The following SEC23B variants were observed in gnomAD, a reference collection of about 807,000 sequenced individuals.
The protein encoded by SEC23B is SEC23 homolog B, COPII component.
A neutral mutation model predicts 104.3 loss-of-function variants in SEC23B; 77 were observed. That is an observed-to-expected ratio of 0.74 (90% CI 0.61 to 0.89). The LOEUF (loss-of-function observed/expected upper bound fraction) is 0.89. SEC23B is among the 40% of genes least tolerant of loss of function. The pLI is 0.00. For synonymous variants in SEC23B, 338 were observed against 332.5 expected (o/e 1.02, Z -0.18); for missense variants, 885 against 949.4 (o/e 0.93, Z 0.89).
chr20:18,510,243 T>G (rs1001952928), intron 1 of SEC23B, among the ~76,000 whole-genome samples: 1 of 152,214 alleles, frequency 6.6e-6, no homozygotes, highest in African/African-American at 2.4e-5. Flanking sequence ...GGACGTGTGA[T>G]CTGTGAGGAG....
intron 12 of SEC23B, among the ~76,000 whole-genome samples, chr20:18,536,536 CA>C: frequency 6.6e-6 from 1 of 152,120 alleles, no homozygotes; most frequent in South Asian, 2.1e-4. Flanking sequence ...ACTAAAAATA[CA>C]AAAATTTAGC....
chr20:18,516,972 A>G (rs1315888989), intron 4 of SEC23B, among the ~76,000 whole-genome samples: 2 of 152,222 alleles, frequency 1.3e-5, no homozygotes, highest in South Asian at 2.1e-4. Flanking sequence ...GTAGTTCACT[A>G]GGCAGCATGA....
In SEC23B at chr20:18,543,210, T is replaced by G. The variant is rs963565059; in HGVS notation, c.1665+38T>G. 18 of 1,613,476 alleles carry G rather than the reference T, an allele frequency of 1.1e-5. No individual in the cohort carries two copies. The African/African-American group carries it at 2.4e-4, about 22-fold the overall frequency. ...CAGTGGCATTAGGTTCAGTCTTGGT[T>G]TCTGCTTTACTTTCGAGAAGAAAAT... On this transcript the variant is annotated intron_variant, in intron 14 of 19. Transcript: ENST00000650089.
intron 12 of SEC23B, among the ~76,000 whole-genome samples, chr20:18,537,703 T>A (rs962399071): frequency 2.0e-5 from 3 of 151,998 alleles, no homozygotes; most frequent in East Asian, 3.8e-4. Context: ...AACCTGCACA[T>A]TGTGCACATG....
intron 1 of SEC23B, among the ~76,000 whole-genome samples, chr20:18,510,267 G>A (rs1252874642): frequency 6.6e-6 from 1 of 152,148 alleles, no homozygotes; most frequent in African/African-American, 2.4e-5. Context: ...TGAAGTAGTA[G>A]TGTTTAACTA....
At chr20:18,554,972 CTAATTAGAT>C in intron 18 of SEC23B, 127 bp from the exon 19 acceptor site, 23 of 69,836 alleles carry the variant, frequency 3.3e-4, no homozygotes, top group Non-Finnish European at 8.3e-4. Flanking sequence ...TAAAACAATT[CTAATTAGAT>C]TACTGTGCAG....
chr20:18,544,739 G>A (rs924415194), intron 14 of SEC23B, among the ~76,000 whole-genome samples: 1 of 152,294 alleles, frequency 6.6e-6, no homozygotes, highest in East Asian at 1.9e-4. Context: ...GAGAGAAAAG[G>A]CTATTGTTGT....
At chr20:18,527,821 G>A (rs1182771664) in intron 9 of SEC23B, among the ~76,000 whole-genome samples, 1 of 152,212 alleles carries the variant, frequency 6.6e-6, no homozygotes, top group Non-Finnish European at 1.5e-5. Context: ...CTACAAATAA[G>A]TCGTTTCAGA....
intron 3 of SEC23B, among the ~76,000 whole-genome samples, chr20:18,513,017 C>G (rs540654012): frequency 6.6e-6 from 1 of 152,272 alleles, no homozygotes; most frequent in South Asian, 2.1e-4. Context: ...AATCCCCTCT[C>G]TACTAAAAAT....
At chr20:18,550,126 TATATA>T (rs1333286329) in intron 16 of SEC23B, among the ~76,000 whole-genome samples, 16 of 123,198 alleles carry the variant, frequency 1.3e-4, no homozygotes, top group East Asian at 1.0e-3. Flanking sequence ...ATTATATACT[TATATA>T]ATATAAAATA....
At chr20:18,538,292 C>T (rs1433332721) in intron 12 of SEC23B, among the ~76,000 whole-genome samples, 1 of 149,512 alleles carries the variant, frequency 6.7e-6, no homozygotes, top group African/African-American at 2.5e-5. Flanking sequence ...CTCTGTACCC[C>T]AGGCTGGAGT....
intron 16 of SEC23B, among the ~76,000 whole-genome samples, chr20:18,549,153 T>A (rs1041695476): frequency 1.3e-5 from 2 of 151,962 alleles, no homozygotes; most frequent in Non-Finnish European, 2.9e-5. Context: ...ACAATCCGAA[T>A]GTTTAATATA....
chr20:18,530,911 G>A, intron 10 of SEC23B, 108 bp downstream of exon 10: 1 of 821,006 alleles, frequency 1.2e-6, no homozygotes, highest in Non-Finnish European at 2.0e-6. Context: ...TAAAGTGCTG[G>A]GATTATGAGG....
chr20:18,526,954 G>A (rs997592279), intron 8 of SEC23B, among the ~76,000 whole-genome samples: 33 of 152,164 alleles, frequency 2.2e-4, no homozygotes, highest in African/African-American at 5.8e-4. Context: ...GGTGACTCAC[G>A]CCTGTAGTCC....
chr20:18,512,364 T>A, intron 3 of SEC23B, 82 bp downstream of exon 3: 2 of 861,470 alleles, frequency 2.3e-6, no homozygotes, highest in Non-Finnish European at 1.9e-6. Flanking sequence ...TGAATTTGTG[T>A]TTACACTGGC....
intron 9 of SEC23B, 117 bp downstream of exon 9, chr20:18,527,728 G>A: frequency 1.3e-6 from 1 of 788,744 alleles, no homozygotes; most frequent in East Asian, 2.4e-5. Flanking sequence ...AGGTAGCTCT[G>A]GGCTATGGTT....
intron 16 of SEC23B, among the ~76,000 whole-genome samples, chr20:18,549,583 T>C (rs1292920563): frequency 6.6e-6 from 1 of 152,086 alleles, no homozygotes; most frequent in Non-Finnish European, 1.5e-5. Flanking sequence ...GTAAAAATGT[T>C]ACATGAAAAA....
chr20:18,554,436 T>G, intron 18 of SEC23B, 46 bp downstream of exon 18: 1 of 1,599,258 alleles, frequency 6.3e-7, no homozygotes, highest in Non-Finnish European at 8.6e-7. Flanking sequence ...CGTTTTATGA[T>G]AGATTGTTAT....
At chr20:18,545,312 A>G (rs1476809794) in intron 14 of SEC23B, among the ~76,000 whole-genome samples, 1 of 152,172 alleles carries the variant, frequency 6.6e-6, no homozygotes, top group East Asian at 1.9e-4. Context: ...ATTATGAGAA[A>G]TAGGAAAGTG....
Sources: allele counts gnomAD v4.1 joint callset (sites outside exome capture counted in the v4.1 genomes callset), GRCh38; gene constraint gnomAD v4.1.1; transcripts MANE v1.5; gene names NCBI Gene and HGNC (gene_info 2026-07-23, HGNC 2026-07-21).